Variants in DCAF10 observed in about 807,000 individuals in gnomAD.
The protein encoded by DCAF10 is DDB1 and CUL4 associated factor 10, also known as DDB1- and CUL4-associated factor 10.
Under a neutral mutation model 51.9 loss-of-function variants are expected in DCAF10, and 19 were observed. That is an observed-to-expected ratio of 0.37 (90% CI 0.26 to 0.54). The LOEUF (loss-of-function observed/expected upper bound fraction) is 0.54. Ranked by LOEUF, DCAF10 falls within the 20% of genes least tolerant of loss-of-function variation. DCAF10 has a pLI of 0.87. For synonymous variants in DCAF10, 291 were observed against 297.1 expected, an observed-to-expected ratio of 0.98 and a Z score of 0.21; for missense variants, 510 against 730.6, an observed-to-expected ratio of 0.70 and a Z score of 3.48.
intron 1 of DCAF10, among the ~76,000 whole-genome samples, chr9:37,812,363 CAAAG>C (rs1384863976): frequency 2.6e-5 from 4 of 152,004 alleles, no homozygotes; most frequent in Non-Finnish European, 5.9e-5. Context: ...TGCACAAAGA[CAAAG>C]AAAATCTTAA....
intron 3 of DCAF10, among the ~76,000 whole-genome samples, chr9:37,853,539 T>C (rs989385689): frequency 2.0e-5 from 3 of 152,090 alleles, no homozygotes; most frequent in African/African-American, 4.8e-5. Flanking sequence ...AATCTCAATA[T>C]ACATTGACTG....
upstream of DCAF10, chr9:37,800,713 T>A: frequency 6.5e-7 from 1 of 1,535,694 alleles, no homozygotes; most frequent in South Asian, 1.2e-5. Flanking sequence ...GTGTCTCAGC[T>A]TTCCCGGTCC....
At chr9:37,802,458 G>A (rs894962287) in intron 1 of DCAF10, among the ~76,000 whole-genome samples, 1 of 152,182 alleles carries the variant, frequency 6.6e-6, no homozygotes, top group African/African-American at 2.4e-5. Flanking sequence ...GTCAAGATAG[G>A]GTTGGGAAAG....
chr9:37,824,472 C>T (rs1390961365), intron 2 of DCAF10, among the ~76,000 whole-genome samples: 3 of 149,088 alleles, frequency 2.0e-5, no homozygotes, highest in Non-Finnish European at 4.5e-5. Context: ...AAATACAAAC[C>T]ATTATAGCTC....
intron 1 of DCAF10, among the ~76,000 whole-genome samples, chr9:37,814,093 T>C (rs1203785104): frequency 1.2e-5 from 1 of 86,876 alleles, no homozygotes; most frequent in East Asian, 4.1e-4. Context: ...TATATATATA[T>C]ATATATATAT....
chr9:37,813,897 A>G (rs892115203), intron 1 of DCAF10, among the ~76,000 whole-genome samples: 1 of 151,746 alleles, frequency 6.6e-6, no homozygotes, highest in Non-Finnish European at 1.5e-5. Context: ...GAAGCCATGT[A>G]TAGAGGAAAA....
intron 6 of DCAF10, 26 bp downstream of exon 6, chr9:37,860,219 A>G: frequency 1.2e-6 from 2 of 1,613,086 alleles, no homozygotes; most frequent in Non-Finnish European, 1.7e-6. Flanking sequence ...CTCCACCTTC[A>G]ACAGGGCTCA....
chr9:37,836,294 G>T, intron 2 of DCAF10: 1 of 1,598,620 alleles, frequency 6.3e-7, no homozygotes, highest in South Asian at 1.1e-5. Flanking sequence ...TACCTGAAAG[G>T]GTTGCCATGG....
rs901079550 is a variant in DCAF10 at position 37,864,081 on chromosome 9, T to C, written c.*2573T>C. ...TGGGAGGTTCACTTGAGCCCAGGAGTTCCAGACCAGTCTGGGCAACATGGC... is the reference window on the plus strand; with the variant it reads ...TGGGAGGTTCACTTGAGCCCAGGAGCTCCAGACCAGTCTGGGCAACATGGC... On this transcript the variant is annotated 3_prime_UTR_variant, in exon 7 of 7. Transcript: ENST00000377724. The C allele has an allele frequency of 6.6e-6, 1 of 151,286 alleles. No homozygotes were observed. Among genetic ancestry groups the C allele is most frequent in the Non-Finnish European group, 1.5e-5 (1 of 67,900 alleles). The allele number at this position is 151,286 out of a possible 1,614,324, so 9.4% of individuals were successfully genotyped here.
At position 37,820,226 on chromosome 9, in the gene DCAF10, T is replaced by A. The variant is rs544840487; in HGVS notation, c.653+825T>A. Among the ~76,000 whole-genome samples the A allele has an allele frequency of 9.2e-5, 14 of 152,276 alleles. No individual in the cohort carries two copies. The South Asian group carries it at 2.9e-3, about 32-fold the overall frequency. On this transcript the variant is annotated intron_variant, in intron 2 of 6. Transcript: ENST00000377724. ...GCTCAAAACACATAGAACAATAAAT[T>A]AAATAGTACAAAAAGTATAGCCAGG...
At position 37,863,011 on chromosome 9, in the gene DCAF10, C is replaced by T. The variant is rs1831055229; in HGVS notation, c.*1503C>T. 1 of 152,122 alleles carries T rather than the reference C, an allele frequency of 6.6e-6. No individual in the cohort carries two copies. The allele number at this position is 152,122 out of a possible 1,614,324, so 9.4% of individuals were successfully genotyped here. A position where few individuals can be genotyped will look rare whatever the true frequency, so the allele number is the denominator to read the frequency against. On this transcript the variant is annotated 3_prime_UTR_variant, in exon 7 of 7. Coordinates refer to ENST00000377724, the MANE Select transcript of DCAF10 (RefSeq NM_024345.5). Reference sequence around the variant, plus strand: ...GGTCTCGGGATTGCAGGTTGAAAAACACAACCTTAATCAGCAGTAAATTCT... The same window carrying T: ...GGTCTCGGGATTGCAGGTTGAAAAATACAACCTTAATCAGCAGTAAATTCT...
intron 2 of DCAF10, among the ~76,000 whole-genome samples, chr9:37,840,059 G>C (rs1306936831): frequency 6.6e-6 from 1 of 152,064 alleles, no homozygotes; most frequent in African/African-American, 2.4e-5. Flanking sequence ...AGAATTGGTA[G>C]GTCTACCAGG....
intron 1 of DCAF10, among the ~76,000 whole-genome samples, chr9:37,810,463 C>CT (rs1051006264): frequency 2.8e-4 from 41 of 147,832 alleles, no homozygotes; most frequent in East Asian, 1.6e-3. Context: ...TTCTTTCTTT[C>CT]TTTTTTTTTT....
rs985679102 is a variant in DCAF10, at chr9:37,821,618, T to C, written c.653+2217T>C. Reference sequence around the variant, plus strand: ...AACTGGATTCTCATCTCTCACTTTATACAAAAATCAGCTCAAGATGGATTA... The same window carrying C: ...AACTGGATTCTCATCTCTCACTTTACACAAAAATCAGCTCAAGATGGATTA... On this transcript the variant is annotated intron_variant, in intron 2 of 6. Coordinates refer to ENST00000377724, the MANE Select transcript of DCAF10 (RefSeq NM_024345.5). 3.9e-5 allele frequency among the ~76,000 whole-genome samples: 6 copies of C among 152,268 alleles called. No homozygotes were observed. The East Asian group carries it at 1.2e-3, about 29-fold the overall frequency.
upstream of DCAF10, chr9:37,800,670 C>G: frequency 1.3e-6 from 2 of 1,535,980 alleles, no homozygotes; most frequent in Non-Finnish European, 1.7e-6. Context: ...TCCCTACCTC[C>G]GTTCCCGGGA....
intron 2 of DCAF10, chr9:37,836,035 G>A (rs1830154808): frequency 2.8e-6 from 3 of 1,064,582 alleles, no homozygotes; most frequent in Admixed American, 3.4e-5. Context: ...CGCCGTCCGC[G>A]CCGCCACGGT....
chr9:37,827,632 G>A (rs1227407727), intron 2 of DCAF10, among the ~76,000 whole-genome samples: 1 of 152,180 alleles, frequency 6.6e-6, no homozygotes, highest in African/African-American at 2.4e-5. Context: ...AAGTAAACAG[G>A]TGTTCAGTTG....
At chr9:37,859,376 A>G (rs1830946247) in intron 5 of DCAF10, among the ~76,000 whole-genome samples, 1 of 152,232 alleles carries the variant, frequency 6.6e-6, no homozygotes, top group Admixed American at 6.5e-5. Context: ...AGGATATAAC[A>G]TATTCCTATT....
At position 37,846,042 on chromosome 9, in the gene DCAF10, G is replaced by A. The variant is rs1034615177; in HGVS notation, c.851+3756G>A. Among the ~76,000 whole-genome samples, 9 of 151,480 alleles carry A rather than the reference G, an allele frequency of 5.9e-5. No individual in the cohort carries two copies. In the South Asian group the frequency reaches 6.2e-4, roughly 10 times the overall value. The stretch of plus-strand genomic sequence containing the variant: ...TAAAATTAGTATGACCTTGATACCC[G>A]AACTTAACAAAGATAATATTAAAAA... On this transcript the variant is annotated intron_variant, in intron 3 of 6. Coordinates refer to ENST00000377724, the MANE Select transcript of DCAF10 (RefSeq NM_024345.5).
Sources: gnomAD v4.1 joint callset for allele counts (sites outside exome capture counted in the v4.1 genomes callset) on GRCh38, gnomAD v4.1.1 for gene constraint, MANE v1.5 for transcripts, NCBI Gene and HGNC (gene_info 2026-07-23, HGNC 2026-07-21) for gene names.